TRHDE: variants seen among roughly 807,000 people sequenced by gnomAD.
The protein encoded by TRHDE is thyrotropin-releasing hormone-degrading ectoenzyme.
Under a neutral mutation model 125.7 loss-of-function variants are expected in TRHDE, and 72 were observed. The observed-to-expected ratio is 0.57, with a 90% confidence interval of 0.47 to 0.70. The LOEUF (loss-of-function observed/expected upper bound fraction) is 0.70. TRHDE is among the 30% of genes least tolerant of loss of function. The pLI, the probability that TRHDE is intolerant of heterozygous loss-of-function variation, is 0.00. For missense variants in TRHDE, 1,110 were observed against 1,327.1 expected, an observed-to-expected ratio of 0.84 and a Z score of 2.54; for synonymous variants, 509 against 509.1, an observed-to-expected ratio of 1.00 and a Z score of 0.00.
At position 72,451,847 on chromosome 12, in the gene TRHDE, G is replaced by A. The variant is rs936331072; in HGVS notation, c.1316-17911G>A. 2.0e-5 allele frequency among the ~76,000 whole-genome samples: 3 copies of A among 149,826 alleles called. No individual in the cohort carries two copies. In the Admixed American group the frequency reaches 2.0e-4, roughly 10 times the overall value. On this transcript the variant is annotated intron_variant, in intron 3 of 18. Coordinates refer to ENST00000261180, the MANE Select transcript of TRHDE (RefSeq NM_013381.3). The stretch of plus-strand genomic sequence containing the variant: ...TTTTGTTTGTTTTGTTTTGTTTTTC[G>A]AGATGGCATCTTGCTCTGTTGGCCA...
intron 12 of TRHDE, among the ~76,000 whole-genome samples, chr12:72,579,856 T>G (rs1375414217): frequency 6.6e-6 from 1 of 152,162 alleles, no homozygotes; most frequent in Non-Finnish European, 1.5e-5. Context: ...TTTTTGTGGA[T>G]TTGAAATGAT....
At chr12:72,235,293 G>A (rs1230702621) in intron 2 of TRHDE, among the ~76,000 whole-genome samples, 2 of 152,022 alleles carry the variant, frequency 1.3e-5, no homozygotes, top group East Asian at 1.9e-4. Flanking sequence ...GCTATGTACC[G>A]GCACTGTTCT....
At chr12:72,324,484 A>G (rs888250558) in intron 2 of TRHDE, among the ~76,000 whole-genome samples, 3 of 152,114 alleles carry the variant, frequency 2.0e-5, no homozygotes, top group African/African-American at 7.2e-5. Context: ...GGAATGATAC[A>G]TGGGCGAGAA....
At chr12:72,550,691 C>T (rs1219819049) in intron 7 of TRHDE, among the ~76,000 whole-genome samples, 1 of 151,850 alleles carries the variant, frequency 6.6e-6, no homozygotes, top group Non-Finnish European at 1.5e-5. Context: ...AAATAACACT[C>T]TAATAATCTT....
chr12:72,338,783 A>G (rs1465618248), intron 2 of TRHDE, among the ~76,000 whole-genome samples: 1 of 152,148 alleles, frequency 6.6e-6, no homozygotes, highest in East Asian at 1.9e-4. Context: ...AATTTTGTGA[A>G]CCTACAACAT....
At chr12:72,156,756 A>T (rs1324924075) in intron 2 of TRHDE, among the ~76,000 whole-genome samples, 3 of 152,166 alleles carry the variant, frequency 2.0e-5, no homozygotes, top group African/African-American at 7.2e-5. Context: ...GAAACAAGGG[A>T]AACATTTATT....
At chr12:72,387,525 G>C (rs1350880592) in intron 3 of TRHDE, among the ~76,000 whole-genome samples, 2 of 152,096 alleles carry the variant, frequency 1.3e-5, no homozygotes, top group Non-Finnish European at 2.9e-5. Context: ...AATTTACAGA[G>C]TTTTTGTGAG....
intron 5 of TRHDE, among the ~76,000 whole-genome samples, chr12:72,494,677 A>T (rs553726842): frequency 6.6e-6 from 1 of 152,088 alleles, no homozygotes; most frequent in African/African-American, 2.4e-5. Context: ...TGACATGTTC[A>T]GGCAGAAGCC....
intron 2 of TRHDE, among the ~76,000 whole-genome samples, chr12:72,363,946 C>A (rs1483483396): frequency 1.3e-5 from 2 of 151,920 alleles, no homozygotes; most frequent in African/African-American, 4.8e-5. Context: ...AATCAATGTA[C>A]AAAAATCACA....
At chr12:72,627,104 A>G (rs890227882) in intron 15 of TRHDE, among the ~76,000 whole-genome samples, 1 of 151,888 alleles carries the variant, frequency 6.6e-6, no homozygotes, top group African/African-American at 2.4e-5. Context: ...CGCCCTTCCA[A>G]TGAGCTGGGC....
At chr12:72,287,184 T>TC (rs1186453930) in intron 2 of TRHDE, among the ~76,000 whole-genome samples, 1 of 152,056 alleles carries the variant, frequency 6.6e-6, no homozygotes, top group Non-Finnish European at 1.5e-5. Context: ...TCCACCTCCC[T>TC]CCCCCATCAT....
At position 72,495,060 on chromosome 12, in the gene TRHDE, G is replaced by GTTTTTTTTT. The variant is rs751243542; in HGVS notation, c.1585-4420_1585-4412dup. On this transcript the variant is annotated intron_variant, in intron 5 of 18. Transcript: ENST00000261180. ...CATTTCTGTCAATAGTTCCTCCCCC[G>GTTTTTTTTT]TTTTTTTTTTTTTTTTTTTTTTTTT... Among the ~76,000 whole-genome samples the GTTTTTTTTT allele has an allele frequency of 1.1e-3, 63 of 58,390 alleles. 2 individuals are homozygous for GTTTTTTTTT. Among genetic ancestry groups the GTTTTTTTTT allele is most frequent in the African/African-American group, 2.4e-3 (32 of 13,486 alleles). The allele number at this position is 58,390 out of a possible 152,430, so 38.3% of individuals were successfully genotyped here. A position where few individuals can be genotyped will look rare whatever the true frequency, so the allele number is the denominator to read the frequency against.
chr12:72,127,114 T>C (rs903436028), intron 2 of TRHDE, among the ~76,000 whole-genome samples: 2 of 152,126 alleles, frequency 1.3e-5, no homozygotes, highest in Non-Finnish European at 2.9e-5. Context: ...TCACTAATCA[T>C]CAAAGAAATG....
chr12:72,365,158 A>C (rs1871289980), intron 2 of TRHDE, among the ~76,000 whole-genome samples: 1 of 152,134 alleles, frequency 6.6e-6, no homozygotes, highest in African/African-American at 2.4e-5. Flanking sequence ...TGTTGAATGT[A>C]TCTTCATTGA....
chr12:72,557,955 C>A (rs532048544), intron 7 of TRHDE, among the ~76,000 whole-genome samples: 1 of 147,186 alleles, frequency 6.8e-6, no homozygotes, highest in African/African-American at 2.7e-5. Context: ...AAAAGAAAGA[C>A]AAATCACACA....
chr12:72,411,704 T>A (rs200908054), intron 3 of TRHDE, among the ~76,000 whole-genome samples: 1 of 152,102 alleles, frequency 6.6e-6, no homozygotes, highest in East Asian at 1.9e-4. Flanking sequence ...TAAAGGAATA[T>A]AAGATGGGAA....
chr12:72,612,124 C>G (rs927332951), intron 12 of TRHDE, among the ~76,000 whole-genome samples: 1 of 152,180 alleles, frequency 6.6e-6, no homozygotes, highest in Admixed American at 6.5e-5. Flanking sequence ...GTTCCTATCT[C>G]AAAACCTTTG....
At chr12:72,562,723 A>G in intron 8 of TRHDE, 130 bp from the exon 9 acceptor site, 2 of 566,552 alleles carry the variant, frequency 3.5e-6, no homozygotes, top group East Asian at 3.2e-5. Flanking sequence ...AACACATTAT[A>G]TTGGCTTCAA....
chr12:72,418,306 A>C (rs971234621), intron 3 of TRHDE, among the ~76,000 whole-genome samples: 1 of 152,104 alleles, frequency 6.6e-6, no homozygotes, highest in African/African-American at 2.4e-5. Flanking sequence ...TTTAAGGATG[A>C]CTTAAAATAT....
Sources: gnomAD v4.1 joint callset for allele counts (sites outside exome capture counted in the v4.1 genomes callset) on GRCh38, gnomAD v4.1.1 for gene constraint, MANE v1.5 for transcripts, NCBI Gene and HGNC (gene_info 2026-07-23, HGNC 2026-07-21) for gene names.